The following MED12L variants were observed in gnomAD, a reference collection of about 807,000 sequenced individuals.
MED12L encodes mediator complex subunit 12L.
In MED12L, 60 loss-of-function variants were observed where a neutral mutation model predicts 281.3. The observed-to-expected ratio is 0.21, with a 90% CI of 0.17 to 0.26. The LOEUF (loss-of-function observed/expected upper bound fraction) is 0.26, where lower values mean the gene tolerates loss of function less well. MED12L is among the 10% of genes least tolerant of loss of function. The pLI, the probability that MED12L is intolerant of heterozygous loss-of-function variation, is 1.00. For missense variants in MED12L, 2,146 were observed against 2,680.9 expected (o/e 0.80, Z 4.41); for synonymous variants, 974 against 987.2 (o/e 0.99, Z 0.25).
chr3:151,247,633 GATAGCATTGGGAGATGTACCTA>G (rs1278216901), intron 16 of MED12L, among the ~76,000 whole-genome samples: 1 of 125,500 alleles, frequency 8.0e-6, no homozygotes, highest in African/African-American at 2.9e-5. Flanking sequence ...AGGGGGGAGG[GATAGCATTGGGAGATGTACCTA>G]ATGCTAGATG....
At chr3:151,237,736 C>T (rs1397869843) in intron 16 of MED12L, among the ~76,000 whole-genome samples, 2 of 152,108 alleles carry the variant, frequency 1.3e-5, no homozygotes, top group Non-Finnish European at 2.9e-5. Flanking sequence ...TCCTCTCTGA[C>T]GTTTTATCTT....
At chr3:151,246,431 C>A (rs1295662305) in intron 16 of MED12L, among the ~76,000 whole-genome samples, 2 of 151,920 alleles carry the variant, frequency 1.3e-5, no homozygotes, top group Non-Finnish European at 2.9e-5. Context: ...AGATATAGAT[C>A]AATGGAACAG....
chr3:151,231,292 G>A (rs1195678903), intron 16 of MED12L, among the ~76,000 whole-genome samples: 1 of 152,186 alleles, frequency 6.6e-6, no homozygotes, highest in Non-Finnish European at 1.5e-5. Context: ...CTTCAATTGT[G>A]GCCAAAAGCC....
chr3:151,303,693 G>A (rs979490327), intron 16 of MED12L, among the ~76,000 whole-genome samples: 3 of 152,164 alleles, frequency 2.0e-5, no homozygotes, highest in Non-Finnish European at 2.9e-5. Context: ...AACCCAGGAG[G>A]CGGAAGTTGC....
intron 11 of MED12L, among the ~76,000 whole-genome samples, chr3:151,183,298 T>A (rs1722917854): frequency 6.6e-6 from 1 of 152,190 alleles, no homozygotes; most frequent in Admixed American, 6.5e-5. Flanking sequence ...GTATAGAGCC[T>A]CTTATTCTGC....
chr3:151,251,591 T>C (rs1451797325), intron 16 of MED12L, among the ~76,000 whole-genome samples: 1 of 152,194 alleles, frequency 6.6e-6, no homozygotes, highest in Non-Finnish European at 1.5e-5. Context: ...TGGTGTTTAA[T>C]TCAGTAGAGT....
intron 37 of MED12L, among the ~76,000 whole-genome samples, chr3:151,389,369 TTTTG>T (rs1203373526): frequency 3.2e-4 from 48 of 152,224 alleles, no homozygotes; most frequent in African/African-American, 1.1e-3. Context: ...GGAAATGAGA[TTTTG>T]TTTCTCTTCC....
At chr3:151,294,513 T>A (rs1461640149) in intron 16 of MED12L, 1 of 1,614,200 alleles carries the variant, frequency 6.2e-7, no homozygotes, top group Non-Finnish European at 8.5e-7. Flanking sequence ...CGCTTTCGGC[T>A]TGACTGACTT....
intron 16 of MED12L, among the ~76,000 whole-genome samples, chr3:151,209,515 A>G (rs1444993836): frequency 6.6e-6 from 1 of 152,180 alleles, no homozygotes; most frequent in African/African-American, 2.4e-5. Flanking sequence ...TCTTGTGGAA[A>G]ATAGTGAACA....
intron 16 of MED12L, among the ~76,000 whole-genome samples, chr3:151,236,923 G>T (rs1427689574): frequency 1.3e-5 from 2 of 152,016 alleles, no homozygotes; most frequent in Non-Finnish European, 2.9e-5. Flanking sequence ...GAGTCATGCC[G>T]AGATGCATAT....
chr3:151,259,119 C>T (rs575462959), intron 16 of MED12L, among the ~76,000 whole-genome samples: 10 of 152,158 alleles, frequency 6.6e-5, no homozygotes, highest in Non-Finnish European at 1.3e-4. Flanking sequence ...TTTTTTAACA[C>T]ATGGACTGAA....
At chr3:151,305,640 A>T (rs1300680929) in intron 16 of MED12L, among the ~76,000 whole-genome samples, 1 of 152,024 alleles carries the variant, frequency 6.6e-6, no homozygotes, top group Non-Finnish European at 1.5e-5. Flanking sequence ...TAGAGCTGGG[A>T]TTCATATCAA....
intron 26 of MED12L, among the ~76,000 whole-genome samples, chr3:151,371,073 G>A (rs950621172): frequency 6.6e-6 from 1 of 152,212 alleles, no homozygotes; most frequent in East Asian, 1.9e-4. Flanking sequence ...TACCTTCTCT[G>A]TTGTCCTAAC....
At chr3:151,385,799 T>TATCA (rs1453170177) in intron 36 of MED12L, among the ~76,000 whole-genome samples, 1 of 152,176 alleles carries the variant, frequency 6.6e-6, no homozygotes, top group East Asian at 1.9e-4. Flanking sequence ...TCTCTATTCC[T>TATCA]ATCAAGCAGT....
intron 5 of MED12L, among the ~76,000 whole-genome samples, chr3:151,150,879 T>C (rs938333180): frequency 6.6e-6 from 1 of 152,164 alleles, no homozygotes; most frequent in Admixed American, 6.5e-5. Context: ...CTTCATAGAA[T>C]TGAAGAGAGT....
At chr3:151,161,212 T>C (rs1023734592) in intron 8 of MED12L, among the ~76,000 whole-genome samples, 17 of 152,162 alleles carry the variant, frequency 1.1e-4, no homozygotes, top group African/African-American at 3.9e-4. Flanking sequence ...AGAAATCAGT[T>C]TGGAAGCATT....
At chr3:151,286,276 C>T (rs1743494944) in intron 16 of MED12L, among the ~76,000 whole-genome samples, 1 of 152,144 alleles carries the variant, frequency 6.6e-6, no homozygotes, top group African/African-American at 2.4e-5. Flanking sequence ...GAAATCAATA[C>T]AGAACATAAA....
chr3:151,152,293 T>C (rs913771022), intron 5 of MED12L, among the ~76,000 whole-genome samples: 1 of 151,676 alleles, frequency 6.6e-6, no homozygotes, highest in African/African-American at 2.4e-5. Flanking sequence ...GTAACAATGA[T>C]GTCTCACAGT....
chr3:151,433,708 T>C lies in MED12L; in HGVS notation c.*904T>C, dbSNP rs908279977. On this transcript the variant is annotated 3_prime_UTR_variant, in exon 45 of 45. Transcript: ENST00000687756. Reference sequence around the variant, plus strand: ...AGTAGCTGGCTTGAGATTCCAGTGCTCACACTTGACATGGTTTCCAGAGAA... The same window carrying C: ...AGTAGCTGGCTTGAGATTCCAGTGCCCACACTTGACATGGTTTCCAGAGAA... The C allele has an allele frequency of 6.6e-6, 1 of 152,664 alleles. No homozygotes were observed. Among genetic ancestry groups the C allele is most frequent in the African/African-American group, 2.4e-5 (1 of 41,464 alleles). The allele number at this position is 152,664 out of a possible 1,614,324, so 9.5% of individuals were successfully genotyped here.
Sources: allele counts gnomAD v4.1 joint callset (sites outside exome capture counted in the v4.1 genomes callset), GRCh38; gene constraint gnomAD v4.1.1; transcripts MANE v1.5; gene names NCBI Gene and HGNC (gene_info 2026-07-23, HGNC 2026-07-21).